Variants in RASSF5 observed in about 807,000 individuals in gnomAD.
RASSF5 encodes the protein ras association domain-containing protein 5.
RASSF5 carries 25 observed loss-of-function variants against 40.5 expected under a neutral mutation model. The ratio of observed to expected loss-of-function variants is 0.62; its 90% confidence interval spans 0.45 to 0.86. The LOEUF (loss-of-function observed/expected upper bound fraction) is 0.86, where lower values mean the gene tolerates loss of function less well. RASSF5 is among the 40% of genes least tolerant of loss of function. RASSF5 has a pLI of 0.00. For missense variants in RASSF5, 521 were observed against 572.8 expected, an observed-to-expected ratio of 0.91 and a Z score of 0.92; for synonymous variants, 246 against 252.4, an observed-to-expected ratio of 0.97 and a Z score of 0.24.
At chr1:206,526,669 C>G (rs934521849) in intron 1 of RASSF5, among the ~76,000 whole-genome samples, 10 of 152,172 alleles carry the variant, frequency 6.6e-5, no homozygotes, top group East Asian at 3.8e-4. Context: ...TTCCAGCCCC[C>G]CTGCCTTACT....
rs1553407013 is a variant in RASSF5, at chr1:206,584,374, C to A, written c.691-13C>A. On this transcript the variant is annotated splice_polypyrimidine_tract_variant and intron_variant, in intron 3 of 5. Coordinates refer to ENST00000579436, the MANE Select transcript of RASSF5 (RefSeq NM_182663.4). The surrounding 1 kb of genome is among the most constrained non-coding windows in gnomAD (Gnocchi z 4.9). ...GACGGCCCTGACCCCCTGTGACATG[C>A]CCCCGCTGGCAGAGTGAAGACGGCA... 6.3e-7 allele frequency: 1 copy of A among 1,599,892 alleles called. No homozygotes were observed. The highest frequency in any genetic ancestry group is 1.3e-5 in the African/African-American group (1 of 74,786).
intron 1 of RASSF5, 111 bp downstream of exon 1, chr1:206,508,170 G>T: frequency 1.2e-6 from 1 of 838,082 alleles, no homozygotes; most frequent in Non-Finnish European, 1.7e-6. Context: ...TTGGCTCCAG[G>T]GGAGCCCCGA....
intron 1 of RASSF5, among the ~76,000 whole-genome samples, chr1:206,522,642 C>T (rs1164649960): frequency 1.3e-5 from 2 of 152,146 alleles, no homozygotes; most frequent in Non-Finnish European, 2.9e-5. Flanking sequence ...GTGATGTGCA[C>T]TGAGGGCCTG....
At chr1:206,512,867 C>T (rs1220863763) in intron 1 of RASSF5, among the ~76,000 whole-genome samples, 2 of 152,166 alleles carry the variant, frequency 1.3e-5, no homozygotes, top group East Asian at 3.8e-4. Context: ...TCTGAAGAGC[C>T]CAAAGTGTTT....
chr1:206,548,772 C>T (rs1197353708), intron 2 of RASSF5, among the ~76,000 whole-genome samples: 1 of 152,148 alleles, frequency 6.6e-6, no homozygotes, highest in African/African-American at 2.4e-5. Flanking sequence ...CTGAGGATAC[C>T]ACTTACATGT....
At chr1:206,556,753 G>A (rs1667999214) in intron 2 of RASSF5, among the ~76,000 whole-genome samples, 1 of 152,200 alleles carries the variant, frequency 6.6e-6, no homozygotes, top group Non-Finnish European at 1.5e-5. Context: ...TGTTTCCCCA[G>A]GCAGGGCAGA....
intron 2 of RASSF5, chr1:206,544,332 G>C (rs1339431299): frequency 6.6e-6 from 1 of 152,190 alleles, no homozygotes; most frequent in Non-Finnish European, 1.5e-5. Context: ...TAACAGTCTT[G>C]CTAGATGTAG....
At position 206,524,640 on chromosome 1, in the gene RASSF5, T is replaced by TATATATTATGTATAATATATAAAAG. The variant is rs1558499042; in HGVS notation, c.458-13523_458-13522insGTATAATATATAAAAGATATATTAT. On this transcript the variant is annotated intron_variant, in intron 1 of 5. Coordinates refer to ENST00000579436, the MANE Select transcript of RASSF5 (RefSeq NM_182663.4). ...TATATATTATGTATAATATATAAAATATATATTATATATTATGTATAATAT... is the reference window on the plus strand; with the variant it reads ...TATATATTATGTATAATATATAAAATATATATTATGTATAATATATAAAAGATATATTATATATTATGTATAATAT... Among the ~76,000 whole-genome samples the TATATATTATGTATAATATATAAAAG allele has an allele frequency of 6.4e-3, 853 of 133,744 alleles. 19 individuals carry two copies. Among genetic ancestry groups the TATATATTATGTATAATATATAAAAG allele is most frequent in the Non-Finnish European group, 9.8e-3 (617 of 62,680 alleles). The allele number at this position is 133,744 out of a possible 152,430, so 87.7% of individuals were successfully genotyped here. A position where few individuals can be genotyped will look rare whatever the true frequency, so the allele number is the denominator to read the frequency against.
intron 1 of RASSF5, among the ~76,000 whole-genome samples, chr1:206,533,625 C>T (rs1407730880): frequency 6.6e-6 from 1 of 151,994 alleles, no homozygotes; most frequent in Non-Finnish European, 1.5e-5. Flanking sequence ...CATGGTGGCA[C>T]ACACCTGTAG....
Position 206,513,212 on chromosome 1 carries a change from C to T in RASSF5, c.457+5153C>T, listed in dbSNP as rs573085979. ...TCTCCCACAGGGTTCTCTCTGGCTC[C>T]CACACCCACCCCTCATTCCTCAGTT... On this transcript the variant is annotated intron_variant, in intron 1 of 5. Coordinates refer to ENST00000579436, the MANE Select transcript of RASSF5 (RefSeq NM_182663.4). The surrounding 1 kb of genome is among the most constrained non-coding windows in gnomAD (Gnocchi z 5.0). Among the ~76,000 whole-genome samples, 34 of 152,294 alleles carry T rather than the reference C, an allele frequency of 2.2e-4. No homozygotes were observed. In the South Asian group the frequency reaches 6.6e-3, roughly 30 times the overall value.
At position 206,520,660 on chromosome 1, in the gene RASSF5, G is replaced by A. The variant is rs141936051; in HGVS notation, c.457+12601G>A. On this transcript the variant is annotated intron_variant, in intron 1 of 5. Coordinates refer to ENST00000579436, the MANE Select transcript of RASSF5 (RefSeq NM_182663.4). ...CAGGCTTGGAGCCAGGCTGCCTTGAGTCAGGATCCTGGAGTTACCACTTTC... is the reference window on the plus strand; with the variant it reads ...CAGGCTTGGAGCCAGGCTGCCTTGAATCAGGATCCTGGAGTTACCACTTTC... Among the ~76,000 whole-genome samples the A allele has an allele frequency of 3.9e-3, 588 of 151,502 alleles. 6 individuals are homozygous for A. Among genetic ancestry groups the A allele is most frequent in the African/African-American group, 0.013 (527 of 41,312 alleles).
intron 2 of RASSF5, among the ~76,000 whole-genome samples, chr1:206,554,118 G>A (rs529429183): frequency 5.9e-5 from 9 of 152,290 alleles, no homozygotes; most frequent in East Asian, 1.9e-4. Context: ...TCAGGGGTGC[G>A]GTGGCACCTT....
At chr1:206,577,571 C>G (rs1668700005) in intron 2 of RASSF5, among the ~76,000 whole-genome samples, 1 of 152,156 alleles carries the variant, frequency 6.6e-6, no homozygotes, top group Non-Finnish European at 1.5e-5. Context: ...TCATGGGAGT[C>G]AGAAGCCCAA....
In RASSF5 at chr1:206,587,002, G is replaced by T; in HGVS notation, c.*24G>T. 3 of 1,613,574 alleles carry T rather than the reference G, an allele frequency of 1.9e-6. No homozygotes were observed. Among genetic ancestry groups the T allele is most frequent in the Non-Finnish European group, 2.5e-6 (3 of 1,179,718 alleles). On this transcript the variant is annotated 3_prime_UTR_variant, in exon 6 of 6. Coordinates refer to ENST00000579436, the MANE Select transcript of RASSF5 (RefSeq NM_182663.4). The stretch of plus-strand genomic sequence containing the variant: ...AACCGGTCCTGCTTCCTCTCCTCCT[G>T]GTGCATTCAGATTTATTTGTATTAT...
In RASSF5 at chr1:206,507,900, C is replaced by A; in HGVS notation, c.298C>A (p.Pro100Thr). 6.6e-7 allele frequency: 1 copy of A among 1,504,628 alleles called. No individual in the cohort carries two copies. Among genetic ancestry groups the A allele is most frequent in the Non-Finnish European group, 8.8e-7 (1 of 1,134,138 alleles). The allele number at this position is 1,504,628 out of a possible 1,614,324, so 93.2% of individuals were successfully genotyped here. Reference protein sequence around the residue: ...RLRRRPGAPRPRDVRSIFEQP... With the variant: ...RLRRRPGAPRTRDVRSIFEQP... ...GCGGCGGCGGCCTGGAGCGCCCCGA[C>A]CCCGCGACGTGCGGAGCATCTTCGA... The change falls in exon 1 of 6, where the codon CCC (proline) becomes ACC (threonine). Residue 100 changes from proline (P) to threonine (T), a missense_variant. Transcript: ENST00000579436.
intron 1 of RASSF5, among the ~76,000 whole-genome samples, chr1:206,521,736 A>T (rs1340087780): frequency 6.6e-6 from 1 of 152,150 alleles, no homozygotes; most frequent in Non-Finnish European, 1.5e-5. Context: ...CTCTTTCCGT[A>T]TGTGCCCCTC....
intron 1 of RASSF5, 58 bp downstream of exon 1, chr1:206,508,117 C>G (rs1666513414): frequency 2.2e-5 from 27 of 1,255,144 alleles, no homozygotes; most frequent in Non-Finnish European, 2.7e-5. Context: ...GGGCGAAGGA[C>G]TGGGAGGGCC....
Position 206,552,322 on chromosome 1 carries a change from G to A in RASSF5, c.579+14029G>A, listed in dbSNP as rs1327403974. ...CAACCCAGATAGGACATCTGGTTAA[G>A]GATGCTTCTCAGAGTCAGATGGAAG... On this transcript the variant is annotated intron_variant, in intron 2 of 5. Transcript: ENST00000579436. The surrounding 1 kb of genome is among the most constrained non-coding windows in gnomAD (Gnocchi z 4.1). Among the ~76,000 whole-genome samples the A allele has an allele frequency of 1.3e-5, 2 of 152,206 alleles. No homozygotes were observed. The highest frequency in any genetic ancestry group is 2.9e-5 in the Non-Finnish European group (2 of 68,030).
intron 2 of RASSF5, among the ~76,000 whole-genome samples, chr1:206,539,668 T>C (rs1667497706): frequency 1.3e-5 from 2 of 152,240 alleles, no homozygotes; most frequent in East Asian, 3.9e-4. Flanking sequence ...TGTAGCCTCT[T>C]GGAAGGGCCT....
Sources: allele counts gnomAD v4.1 joint callset (sites outside exome capture counted in the v4.1 genomes callset), GRCh38; gene constraint gnomAD v4.1.1; non-coding constraint Gnocchi (gnomAD v3.1); transcripts MANE v1.5; gene names NCBI Gene and HGNC (gene_info 2026-07-23, HGNC 2026-07-21).